The following ZZEF1 variants were observed in gnomAD, a reference collection of about 807,000 sequenced individuals.
ZZEF1 encodes zinc finger ZZ-type and EF-hand domain containing 1.
A neutral mutation model predicts 342.8 loss-of-function variants in ZZEF1; 157 were observed. The ratio of observed to expected loss-of-function variants is 0.46; its 90% CI spans 0.40 to 0.52. The LOEUF (loss-of-function observed/expected upper bound fraction) is 0.52. Ranked by LOEUF, ZZEF1 falls within the 20% of genes least tolerant of loss-of-function variation. The pLI, the probability that ZZEF1 is intolerant of heterozygous loss-of-function variation, is 0.00. For missense variants in ZZEF1, 3,480 were observed against 3,725.6 expected, an observed-to-expected ratio of 0.93 and a Z score of 1.72; for synonymous variants, 1,505 against 1,429.1, an observed-to-expected ratio of 1.05 and a Z score of -1.20.
At chr17:4,110,311 A>T (rs891078866) in intron 5 of ZZEF1, among the ~76,000 whole-genome samples, 1 of 152,240 alleles carries the variant, frequency 6.6e-6, no homozygotes, top group Non-Finnish European at 1.5e-5. Context: ...TGACACAGAC[A>T]TGACTCACTT....
chr17:4,019,503 C>T (rs998052191), intron 46 of ZZEF1, among the ~76,000 whole-genome samples, 166 bp downstream of exon 46: 4 of 152,188 alleles, frequency 2.6e-5, no homozygotes, highest in African/African-American at 4.8e-5. Flanking sequence ...ATCCAGGTAA[C>T]GTAGCACAGG....
At chr17:4,086,886 TTTG>T (rs1220107435) in intron 14 of ZZEF1, among the ~76,000 whole-genome samples, 4 of 152,040 alleles carry the variant, frequency 2.6e-5, no homozygotes, top group East Asian at 1.9e-4. Flanking sequence ...TTCATTTCTT[TTTG>T]TTGTTGTTGT....
At chr17:4,103,591 A>G (rs555384035) in intron 8 of ZZEF1, among the ~76,000 whole-genome samples, 30 of 152,148 alleles carry the variant, frequency 2.0e-4, no homozygotes, top group African/African-American at 7.0e-4. Context: ...AAAAGAAGCC[A>G]TTAAGTCAGT....
intron 31 of ZZEF1, among the ~76,000 whole-genome samples, 176 bp downstream of exon 31, chr17:4,058,995 G>T (rs2057228117): frequency 6.6e-6 from 1 of 152,072 alleles, no homozygotes; most frequent in Non-Finnish European, 1.5e-5. Context: ...AAAGGACTGG[G>T]AGAAAATATA....
chr17:4,091,880 C>A (rs2057949385), intron 11 of ZZEF1, among the ~76,000 whole-genome samples: 1 of 150,914 alleles, frequency 6.6e-6, no homozygotes, highest in Admixed American at 6.6e-5. Flanking sequence ...AATTCGAGAC[C>A]AGCCTGACCA....
At position 4,032,906 on chromosome 17, in the gene ZZEF1, G is replaced by C. The variant is rs752840860; in HGVS notation, c.6681C>G (p.Asp2227Glu). The change falls in exon 41 of 55, where the codon GAC becomes GAG. Residue 2227 changes from aspartate to glutamate, a missense_variant. Physicochemically the swap from Asp to Glu is conservative, Grantham distance 45. Transcript: ENST00000381638. ...GGAATGGCAGCTGCTTGATGCAGTG[G>C]TCTGTGAAGGTGGCAATGACATCAC... ...LWRDVIATFT[D>E]HCIKQLPFQL... 2 of 1,614,044 alleles carry C rather than the reference G, an allele frequency of 1.2e-6. No individual in the cohort carries two copies. The highest frequency in any genetic ancestry group is 2.2e-5 in the South Asian group (2 of 91,038).
chr17:4,028,646 T>C (rs1054066769), intron 42 of ZZEF1, among the ~76,000 whole-genome samples: 14 of 151,916 alleles, frequency 9.2e-5, no homozygotes, highest in African/African-American at 2.7e-4. Flanking sequence ...GATTATCAGA[T>C]TGGATTTTTT....
intron 9 of ZZEF1, among the ~76,000 whole-genome samples, chr17:4,098,091 C>T (rs1005756144): frequency 2.0e-5 from 3 of 151,498 alleles, no homozygotes; most frequent in Non-Finnish European, 4.4e-5. Flanking sequence ...ACACAAAATT[C>T]GCCGGGCGTG....
At position 4,116,989 on chromosome 17, in the gene ZZEF1, A is replaced by G. The variant is rs987298096; in HGVS notation, c.677T>C (p.Leu226Pro). 6 of 1,609,930 alleles carry G rather than the reference A, an allele frequency of 3.7e-6. No homozygotes were observed. The highest frequency in any genetic ancestry group is 5.1e-6 in the Non-Finnish European group (6 of 1,177,242). The change falls in exon 3 of 55, where the codon CTG becomes CCG. Residue 226 changes from leucine to proline, a missense_variant. Transcript: ENST00000381638. ...ACACATACCCTTTTCCTTTTGTACC[A>G]GCTGATCCAGAGACTCCTTCAGGAC... ...SSVLKESLDQ[L>P]VQKEKESPGD...
At chr17:4,125,791 G>GA (rs2085360707) in intron 1 of ZZEF1, among the ~76,000 whole-genome samples, 1 of 152,168 alleles carries the variant, frequency 6.6e-6, no homozygotes, top group African/African-American at 2.4e-5. Flanking sequence ...TAAGTGCAGA[G>GA]AAAAGAGGCC....
intron 21 of ZZEF1, chr17:4,076,178 C>T (rs1014100916): frequency 2.9e-5 from 4 of 137,720 alleles, no homozygotes; most frequent in African/African-American, 1.1e-4. Context: ...GTGGCCCAGG[C>T]GGGAGTGCAG....
In ZZEF1 at chr17:4,054,102, A is replaced by T; in HGVS notation, c.5389T>A (p.Cys1797Ser). 4 of 1,613,942 alleles carry T rather than the reference A, an allele frequency of 2.5e-6. No individual in the cohort carries two copies. The highest frequency in any genetic ancestry group is 3.4e-6 in the Non-Finnish European group (4 of 1,179,906). ...DEIAPWHRYR[C>S]LQCSDMDLCK... ...AGATCCATGTCGCTGCACTGCAGAC[A>T]GCGGTATCGATGCCAGGGGGCAATC... The change falls in exon 34 of 55, where the codon TGT becomes AGT. Residue 1797 changes from cysteine to serine, a missense_variant. Transcript: ENST00000381638.
rs1199630256 is a variant in ZZEF1, at chr17:4,034,134, T to G, written c.6465A>C (p.Ala2155=). 6 of 1,614,146 alleles carry G rather than the reference T, an allele frequency of 3.7e-6. No homozygotes were observed. Among genetic ancestry groups the G allele is most frequent in the Non-Finnish European group, 5.1e-6 (6 of 1,180,012 alleles). The change falls in exon 40 of 55, where the codon GCA becomes GCC. Residue 2155 remains alanine (A), a synonymous_variant. Transcript: ENST00000381638. ...IRLLPAEVDA[A]VIKVLSAKHN... is the part of the protein sequence containing the mutation. ...GTTTGGCTGAGAGGACTTTGATCAC[T>G]GCGGCGTCTACCTCTGCTGGCAAAA...
In ZZEF1 at chr17:4,018,083, T is replaced by C. The variant is rs1465700121; in HGVS notation, c.7506-112A>G. ...AGAGTTGTTCTTCTGTTAGTATCAA[T>C]GACATTATCATATTCCGTGTTTTGC... On this transcript the variant is annotated intron_variant, in intron 46 of 54. Coordinates refer to ENST00000381638, the MANE Select transcript of ZZEF1 (RefSeq NM_015113.4). 6 of 1,390,778 alleles carry C rather than the reference T, an allele frequency of 4.3e-6. 1 individual carries two copies. Among genetic ancestry groups the C allele is most frequent in the Non-Finnish European group, 5.9e-6 (6 of 1,011,544 alleles). 86.2% of individuals were successfully genotyped at this position (1,390,778 alleles called of 1,614,324 possible). A position where few individuals can be genotyped will look rare whatever the true frequency, so the allele number is the denominator to read the frequency against.
At chr17:4,107,544 C>T (rs1284264238) in intron 6 of ZZEF1, among the ~76,000 whole-genome samples, 14 of 152,060 alleles carry the variant, frequency 9.2e-5, no homozygotes. Context: ...TATAGGAACT[C>T]GAGGAAGATA....
intron 46 of ZZEF1, among the ~76,000 whole-genome samples, chr17:4,019,210 G>A (rs76129671): frequency 0.036 from 5,407 of 152,152 alleles, 228 homozygotes; most frequent in African/African-American, 0.11. Context: ...TTAGGATACG[G>A]GGGATGGAGG....
At chr17:4,040,569 AAG>A (rs1353800523) in intron 39 of ZZEF1, among the ~76,000 whole-genome samples, 3 of 152,350 alleles carry the variant, frequency 2.0e-5, no homozygotes, top group Admixed American at 6.5e-5. Context: ...ACTGTTAATT[AAG>A]AGAGAAATAC....
At chr17:4,019,962 C>T (rs951505826) in intron 45 of ZZEF1, 193 bp from the exon 46 acceptor site, 34 of 472,240 alleles carry the variant, frequency 7.2e-5, no homozygotes, top group Middle Eastern at 1.0e-3. Flanking sequence ...ACCTACACTA[C>T]GACTGTAACT....
chr17:4,034,149 T>C lies in ZZEF1; in HGVS notation c.6450A>G (p.Ala2150=). 2 of 1,614,166 alleles carry C rather than the reference T, an allele frequency of 1.2e-6. No homozygotes were observed. Among genetic ancestry groups the C allele is most frequent in the Non-Finnish European group, 1.7e-6 (2 of 1,180,032 alleles). ...LGQLIIRLLP[A]EVDAAVIKVL... is the part of the protein sequence containing the mutation. ...CTTTGATCACTGCGGCGTCTACCTC[T>C]GCTGGCAAAAGACGGATAATTAACT... The change falls in exon 40 of 55, where the codon GCA becomes GCG. Residue 2150 remains alanine, a synonymous_variant. Transcript: ENST00000381638.
Sources: allele counts gnomAD v4.1 joint callset (sites outside exome capture counted in the v4.1 genomes callset), GRCh38; gene constraint gnomAD v4.1.1; transcripts MANE v1.5; gene names NCBI Gene and HGNC (gene_info 2026-07-23, HGNC 2026-07-21).